The following RELN variants were observed in gnomAD, a reference collection of about 807,000 sequenced individuals.
RELN encodes the protein reelin.
RELN carries 108 observed loss-of-function variants against 427.6 expected under a neutral mutation model. The ratio of observed to expected loss-of-function variants is 0.25; its 90% CI spans 0.22 to 0.30. The LOEUF is 0.30. RELN is among the 10% of genes least tolerant of loss of function. The pLI is 1.00. For synonymous variants in RELN, 1,524 were observed against 1,513.4 expected (o/e 1.01, Z -0.16); for missense variants, 3,715 against 4,302.8 (o/e 0.86, Z 3.82).
In RELN at chr7:103,859,128, T is replaced by A. The variant is rs915599257; in HGVS notation, c.338-25456A>T. Among the ~76,000 whole-genome samples the A allele has an allele frequency of 2.6e-5, 4 of 152,254 alleles. 1 individual carries two copies. Among genetic ancestry groups the A allele is most frequent in the African/African-American group, 9.6e-5 (4 of 41,566 alleles). On this transcript the variant is annotated intron_variant, in intron 2 of 64. Coordinates refer to ENST00000428762, the MANE Select transcript of RELN (RefSeq NM_005045.4). ...CTGGGGAGAAAGAAGTAGAGAATAA[T>A]ACATACATTATCAGATTAGCTTTAA...
intron 57 of RELN, among the ~76,000 whole-genome samples, chr7:103,494,390 TGTGG>T (rs900097086): frequency 2.4e-4 from 37 of 151,744 alleles, no homozygotes; most frequent in African/African-American, 8.0e-4. Context: ...TGTGTGTGTG[TGTGG>T]GATATGGTCT....
rs546799857 is a variant in RELN, at chr7:103,988,581, C to G, written c.226+550G>C. 1.1e-3 allele frequency among the ~76,000 whole-genome samples: 172 copies of G among 152,294 alleles called. 5 individuals are homozygous for G. In the South Asian group the frequency reaches 0.035, roughly 31 times the overall value. On this transcript the variant is annotated intron_variant, in intron 1 of 64. Transcript: ENST00000428762. The surrounding 1 kb of genome is among the most constrained non-coding windows in gnomAD (Gnocchi z 4.9). Reference sequence around the variant, plus strand: ...AAGCAGCCGCTCCCTTTCAGGAGGGCTGTATGACACTGAATGAAATGCCAG... The same window carrying G: ...AAGCAGCCGCTCCCTTTCAGGAGGGGTGTATGACACTGAATGAAATGCCAG...
intron 38 of RELN, among the ~76,000 whole-genome samples, chr7:103,555,175 G>A (rs2711868): frequency 1.3e-5 from 2 of 152,084 alleles, no homozygotes; most frequent in Non-Finnish European, 2.9e-5. Context: ...AACGGCAAAA[G>A]CCAGGCTGCT....
rs1584259324 is a variant in RELN at position 103,519,268 on chromosome 7, T to A, written c.7862+55A>T. ...CCCTCAGTCTCCCGTGACTGATTGC[T>A]GGTAGCAATCTCTGCTCGATGTACT... On this transcript the variant is annotated intron_variant, in intron 49 of 64. Coordinates refer to ENST00000428762, the MANE Select transcript of RELN (RefSeq NM_005045.4). 3 of 1,377,144 alleles carry A rather than the reference T, an allele frequency of 2.2e-6. No individual in the cohort carries two copies. The East Asian group carries it at 6.8e-5, about 31-fold the overall frequency. 85.3% of individuals were successfully genotyped at this position (1,377,144 alleles called of 1,614,324 possible). A position where few individuals can be genotyped will look rare whatever the true frequency, so the allele number is the denominator to read the frequency against.
intron 1 of RELN, among the ~76,000 whole-genome samples, chr7:103,942,083 C>T (rs925642196): frequency 6.6e-6 from 1 of 152,080 alleles, no homozygotes; most frequent in South Asian, 2.1e-4. Flanking sequence ...TAAATTTGTG[C>T]CTATAACACT....
intron 2 of RELN, among the ~76,000 whole-genome samples, chr7:103,834,019 A>G (rs111535299): frequency 0.01 from 1,540 of 152,260 alleles, 26 homozygotes; most frequent in African/African-American, 0.034. Flanking sequence ...ACCAAACGCC[A>G]TAGGGAGGTG....
chr7:103,736,872 G>T lies in RELN; in HGVS notation c.657-8665C>A, dbSNP rs181157018. Among the ~76,000 whole-genome samples, 401 of 152,232 alleles carry T rather than the reference G, an allele frequency of 2.6e-3. 2 individuals are homozygous for T. The highest frequency in any genetic ancestry group is 4.7e-3 in the Non-Finnish European group (322 of 68,010). ...CCTGGTTAACCTTTCTATTGTAGAT[G>T]AAGCTTTTCCCTGGAGCAATTACAT... On this transcript the variant is annotated intron_variant, in intron 6 of 64. Coordinates refer to ENST00000428762, the MANE Select transcript of RELN (RefSeq NM_005045.4).
chr7:103,544,696 CATA>C (rs147422911), intron 42 of RELN, among the ~76,000 whole-genome samples: 8,583 of 152,208 alleles, frequency 0.056, 357 homozygotes, highest in East Asian at 0.25. Flanking sequence ...TGTCTTCACA[CATA>C]ATGATACTGA....
At chr7:103,702,627 A>G (rs1368425314) in intron 8 of RELN, among the ~76,000 whole-genome samples, 5 of 152,178 alleles carry the variant, frequency 3.3e-5, no homozygotes, top group Non-Finnish European at 7.3e-5. Context: ...TTTTTTATGC[A>G]TCTAGAAAAC....
chr7:103,560,194 T>C (rs967364048), intron 36 of RELN, among the ~76,000 whole-genome samples: 7 of 152,222 alleles, frequency 4.6e-5, no homozygotes, highest in Admixed American at 4.6e-4. Context: ...CCATTTGTGC[T>C]AAATGTGAGA....
chr7:103,686,038 G>A (rs758034541), intron 10 of RELN, among the ~76,000 whole-genome samples: 2 of 152,130 alleles, frequency 1.3e-5, no homozygotes, highest in South Asian at 2.1e-4. Context: ...GATGAACACC[G>A]AAGCACCTCT....
chr7:103,936,739 GACAGAC>G (rs1268460063), intron 1 of RELN, among the ~76,000 whole-genome samples: 229 of 92,096 alleles, frequency 2.5e-3, no homozygotes, highest in South Asian at 4.4e-3. Flanking sequence ...CAGACAGACA[GACAGAC>G]ACACACACAC....
chr7:103,642,640 G>C (rs1010760623), intron 16 of RELN, among the ~76,000 whole-genome samples: 1 of 152,062 alleles, frequency 6.6e-6, no homozygotes, highest in African/African-American at 2.4e-5. Flanking sequence ...AACTAAAATT[G>C]TGTTGTAACA....
At chr7:103,605,525 T>A (rs1242502963) in intron 22 of RELN, among the ~76,000 whole-genome samples, 1 of 152,240 alleles carries the variant, frequency 6.6e-6, no homozygotes, top group Non-Finnish European at 1.5e-5. Flanking sequence ...CATTGACTGC[T>A]ATAAAACATT....
chr7:103,909,766 A>T lies in RELN; in HGVS notation c.337+7309T>A, dbSNP rs867098664. ...ATAAATATATATATTAAATATATAT[A>T]TTTAATATATATAAATATATATATT... On this transcript the variant is annotated intron_variant, in intron 2 of 64. Coordinates refer to ENST00000428762, the MANE Select transcript of RELN (RefSeq NM_005045.4). 5.0e-4 allele frequency among the ~76,000 whole-genome samples: 38 copies of T among 75,892 alleles called. 3 individuals carry two copies. The highest frequency in any genetic ancestry group is 1.4e-3 in the South Asian group (3 of 2,118). The allele number at this position is 75,892 out of a possible 152,430, so 49.8% of individuals were successfully genotyped here.
At chr7:103,777,272 TA>T (rs907954150) in intron 3 of RELN, among the ~76,000 whole-genome samples, 1 of 152,038 alleles carries the variant, frequency 6.6e-6, no homozygotes, top group African/African-American at 2.4e-5. Flanking sequence ...ATGGCTATAA[TA>T]AAAAAAGTCT....
At chr7:103,562,814 TC>T (rs570525981) in intron 34 of RELN, among the ~76,000 whole-genome samples, 59 of 152,276 alleles carry the variant, frequency 3.9e-4, no homozygotes, top group African/African-American at 1.4e-3. Flanking sequence ...CTTCAGTGGT[TC>T]CCCAACATAT....
At chr7:103,586,479 C>A (rs1335592990) in intron 28 of RELN, among the ~76,000 whole-genome samples, 1 of 152,148 alleles carries the variant, frequency 6.6e-6, no homozygotes, top group African/African-American at 2.4e-5. Context: ...TGGGACAATA[C>A]AAGGATGCTC....
intron 45 of RELN, 107 bp downstream of exon 45, chr7:103,538,971 G>A: frequency 3.1e-6 from 4 of 1,275,228 alleles, no homozygotes; most frequent in South Asian, 2.5e-5. Flanking sequence ...GTGCACTTGT[G>A]TTTTATTTAC....
Sources: gnomAD v4.1 joint callset for allele counts (sites outside exome capture counted in the v4.1 genomes callset) on GRCh38, gnomAD v4.1.1 for gene constraint, Gnocchi (gnomAD v3.1) non-coding constraint, MANE v1.5 for transcripts, NCBI Gene and HGNC (gene_info 2026-07-23, HGNC 2026-07-21) for gene names.